The following CHTF18 variants were observed in gnomAD, a reference collection of about 807,000 sequenced individuals.
CHTF18 encodes chromosome transmission fidelity protein 18 homolog.
Under a neutral mutation model 113.4 loss-of-function variants are expected in CHTF18, and 151 were observed. That is an observed-to-expected ratio of 1.33 (90% CI 1.17 to 1.52). The LOEUF (loss-of-function observed/expected upper bound fraction) is 1.52. CHTF18 is among the 40% of genes most tolerant of loss of function. CHTF18 has a pLI of 0.00. For missense variants in CHTF18, 1,982 were observed against 1,381.6 expected (o/e 1.43, Z -6.89); for synonymous variants, 916 against 598.8 (o/e 1.53, Z -7.74).
chr16:796,886 A>G (rs764122378), intron 19 of CHTF18, 25 bp downstream of exon 19: 2 of 1,574,492 alleles, frequency 1.3e-6, no homozygotes, highest in African/African-American at 2.7e-5. Flanking sequence ...GCTCTGGAGC[A>G]GGTTGCAGTC....
rs1181299450 is a variant in CHTF18, at chr16:788,664, G to C, written c.-21G>C. On this transcript the variant is annotated 5_prime_UTR_variant, in exon 1 of 22. Coordinates refer to ENST00000262315, the MANE Select transcript of CHTF18 (RefSeq NM_022092.3). ...CGGCGGCGCGGGAGGTTCGGAGCGG[G>C]AGCTCGGGCTCGCGGACGGTATGGA... 4.6e-6 allele frequency: 7 copies of C among 1,512,894 alleles called. No homozygotes were observed. The African/African-American group carries it at 5.8e-5, about 12-fold the overall frequency. The allele number at this position is 1,512,894 out of a possible 1,614,324, so 93.7% of individuals were successfully genotyped here.
rs201215455 is a variant in CHTF18, at chr16:789,569, G to A, written c.460G>A (p.Val154Met). ...CAGAGTCTCAGAAGCTGCTGCCGAC[G>A]TGGGTCTCACACGGGCCTCACCAGC... ...GHGVSEAAAD[V>M]GLTRASPAAR... Residue 154 changes from valine (V) to methionine (M), a missense_variant, in exon 4 of 22, where the codon GTG becomes ATG. Coordinates refer to ENST00000262315, the MANE Select transcript of CHTF18 (RefSeq NM_022092.3). 8 of 1,604,198 alleles carry A rather than the reference G, an allele frequency of 5.0e-6. No homozygotes were observed. Among genetic ancestry groups the A allele is most frequent in the South Asian group, 2.2e-5 (2 of 90,702 alleles).
At chr16:794,400 G>C (rs918119062) in intron 15 of CHTF18, among the ~76,000 whole-genome samples, 199 bp downstream of exon 15, 3 of 152,106 alleles carry the variant, frequency 2.0e-5, no homozygotes, top group African/African-American at 7.2e-5. Context: ...TGCAGGGCAC[G>C]GGCCGGCAGG....
chr16:791,366 A>G lies in CHTF18; in HGVS notation c.1100A>G (p.Gln367Arg). 6.2e-7 allele frequency: 1 copy of G among 1,601,220 alleles called. No homozygotes were observed. The highest frequency in any genetic ancestry group is 8.5e-7 in the Non-Finnish European group (1 of 1,176,886). Residue 367 changes from glutamine (Q) to arginine (R), a missense_variant, in exon 8 of 22, where the codon CAG becomes CGG. By Grantham distance (43) the Gln-to-Arg change is conservative (BLOSUM62 1). Coordinates refer to ENST00000262315, the MANE Select transcript of CHTF18 (RefSeq NM_022092.3). ...AGLDPSQRPK[Q>R]KVALLCGPPG... ...CTGGACCCGAGCCAGCGACCGAAGCAGAAGGTGAGCCCCGCTGGCTGTGCC... is the reference window on the plus strand; with the variant it reads ...CTGGACCCGAGCCAGCGACCGAAGCGGAAGGTGAGCCCCGCTGGCTGTGCC...
chr16:791,975 C>T lies in CHTF18; in HGVS notation c.1202+27C>T, dbSNP rs773955747. ...TGAGTGATGTGAGGTCCGTCTCTGG[C>T]TCGCCTTCTGTCCTGACGTGTTTGA... On this transcript the variant is annotated intron_variant, in intron 9 of 21. Transcript: ENST00000262315. 7.6e-6 allele frequency: 12 copies of T among 1,587,738 alleles called. No homozygotes were observed. In the African/African-American group the frequency reaches 9.4e-5, roughly 12 times the overall value.
intron 7 of CHTF18, 162 bp from the exon 8 acceptor site, chr16:790,999 C>A: frequency 6.9e-7 from 1 of 1,458,902 alleles, no homozygotes; most frequent in Non-Finnish European, 9.0e-7. Context: ...GGTGGAGCCC[C>A]TGGTGTGAGC....
Position 791,900 on chromosome 16 carries a change from A to G in CHTF18, c.1154A>G (p.His385Arg), listed in dbSNP as rs749804079. ...PPGLGKTTLA[H>R]VIARHAGYSV... ...GGGCTGGGGAAGACCACCCTGGCAC[A>G]CGTGATTGCGCGTCACGCGGGGTAC... Residue 385 changes from histidine (H) to arginine (R), a missense_variant, in exon 9 of 22, where the codon CAC becomes CGC. Physicochemically the swap from His to Arg is conservative, Grantham distance 29 (BLOSUM62 0). Coordinates refer to ENST00000262315, the MANE Select transcript of CHTF18 (RefSeq NM_022092.3). The G allele has an allele frequency of 7.5e-6, 12 of 1,609,942 alleles. No homozygotes were observed. The Admixed American group carries it at 1.8e-4, about 25-fold the overall frequency.
At chr16:789,768 A>G in intron 4 of CHTF18, 53 bp downstream of exon 4, 1 of 1,507,080 alleles carries the variant, frequency 6.6e-7, no homozygotes, top group Non-Finnish European at 8.8e-7. Context: ...TGCTCAGGAA[A>G]GGGTCCTTGG....
In CHTF18 at chr16:796,972, C is replaced by T. The variant is rs754929915; in HGVS notation, c.2613C>T (p.Ser871=). 7 of 1,522,898 alleles carry T rather than the reference C, an allele frequency of 4.6e-6. No homozygotes were observed. Among genetic ancestry groups the T allele is most frequent in the South Asian group, 1.3e-5 (1 of 77,414 alleles). The allele number at this position is 1,522,898 out of a possible 1,614,324, so 94.3% of individuals were successfully genotyped here. A position where few individuals can be genotyped will look rare whatever the true frequency, so the allele number is the denominator to read the frequency against. ...CCTGCTCCCTACAGGTGGATGGGAG[C>T]CCCCCAGGGCTCGAGGGTCTGCTGG... ...RVENSPQVDG[S]PPGLEGLLGG... The change falls in exon 20 of 22, where the codon AGC becomes AGT. Residue 871 remains serine, a synonymous_variant. Transcript: ENST00000262315.
intron 8 of CHTF18, 68 bp from the exon 9 acceptor site, chr16:791,783 C>G: frequency 6.5e-7 from 1 of 1,528,072 alleles, no homozygotes; most frequent in Non-Finnish European, 8.8e-7. Flanking sequence ...GTGGCAGTCC[C>G]TGGCTGCTAG....
intron 15 of CHTF18, 100 bp from the exon 16 acceptor site, chr16:795,032 G>C: frequency 1.0e-6 from 1 of 966,932 alleles, no homozygotes; most frequent in Non-Finnish European, 1.5e-6. Context: ...GGGGCAGGCG[G>C]CAGGCAGGAG....
intron 3 of CHTF18, 65 bp downstream of exon 3, chr16:789,425 C>A: frequency 6.5e-7 from 1 of 1,534,064 alleles, no homozygotes; most frequent in South Asian, 1.3e-5. Context: ...GAGCCCATCC[C>A]GTGCCCTGGA....
chr16:790,090 A>G (rs543742591), intron 4 of CHTF18, 87 bp from the exon 5 acceptor site: 1 of 1,538,782 alleles, frequency 6.5e-7, no homozygotes, highest in East Asian at 2.4e-5. Context: ...GGGTTGTCCC[A>G]CCCGGGTCCC....
rs1479899536 is a variant in CHTF18, at chr16:795,143, C to T, written c.1962C>T (p.Asp654=). Residue 654 remains aspartate (D), a synonymous_variant, in exon 16 of 22, where the codon GAC becomes GAT. Coordinates refer to ENST00000262315, the MANE Select transcript of CHTF18 (RefSeq NM_022092.3). ...CCGGCCGCCTGCAGGGCTTGTTTGA[C>T]AACTTCCTGCGTCTGCGGCTGCGAG... ...EHEKVVQGLF[D]NFLRLRLRDS... 1.3e-6 allele frequency: 2 copies of T among 1,548,370 alleles called. No individual in the cohort carries two copies. The highest frequency in any genetic ancestry group is 1.7e-6 in the Non-Finnish European group (2 of 1,145,998).
At chr16:794,546 C>T (rs1393087012) in intron 15 of CHTF18, among the ~76,000 whole-genome samples, 1 of 152,160 alleles carries the variant, frequency 6.6e-6, no homozygotes, top group Non-Finnish European at 1.5e-5. Context: ...ACTTAAGATG[C>T]ACATGGGGTG....
At chr16:791,481 G>T in intron 8 of CHTF18, 111 bp downstream of exon 8, 1 of 1,451,128 alleles carries the variant, frequency 6.9e-7, no homozygotes, top group Non-Finnish European at 9.0e-7. Flanking sequence ...GGTGACGTGT[G>T]GGTCTTGGCG....
intron 4 of CHTF18, 118 bp downstream of exon 4, chr16:789,833 T>C: frequency 3.0e-6 from 4 of 1,355,810 alleles, no homozygotes; most frequent in South Asian, 1.4e-5. Flanking sequence ...GCCCCAGGGG[T>C]GCAGAGGGGG....
chr16:793,964 C>T, intron 14 of CHTF18, 90 bp from the exon 15 acceptor site: 1 of 1,449,102 alleles, frequency 6.9e-7, no homozygotes, highest in Non-Finnish European at 9.4e-7. Flanking sequence ...GGTGGCAGCT[C>T]TGATGGGGCC....
At chr16:792,381 CG>C in intron 10 of CHTF18, 34 bp downstream of exon 10, 1 of 1,559,668 alleles carries the variant, frequency 6.4e-7, no homozygotes, top group South Asian at 1.2e-5. Flanking sequence ...GGTGGGTGGG[CG>C]GGCAGGCAGG....
Sources: allele counts gnomAD v4.1 joint callset (sites outside exome capture counted in the v4.1 genomes callset), GRCh38; gene constraint gnomAD v4.1.1; transcripts MANE v1.5; gene names NCBI Gene and HGNC (gene_info 2026-07-23, HGNC 2026-07-21).